The following PHACTR3 variants were observed in gnomAD, a reference collection of about 807,000 sequenced individuals.
The protein encoded by PHACTR3 is phosphatase and actin regulator 3.
A neutral mutation model predicts 66.8 loss-of-function variants in PHACTR3; 16 were observed. The observed-to-expected ratio is 0.24, with a 90% confidence interval of 0.16 to 0.36. PHACTR3 has a LOEUF of 0.36. PHACTR3 is among the 10% of genes least tolerant of loss of function. The probability of loss-of-function intolerance (pLI) is 1.00; values close to 1 mark genes in which losing one functional copy is unlikely to be tolerated. For synonymous variants in PHACTR3, 323 were observed against 292.1 expected, an observed-to-expected ratio of 1.11 and a Z score of -1.08; for missense variants, 647 against 719.9, an observed-to-expected ratio of 0.90 and a Z score of 1.16.
chr20:59,581,108 G>A (rs867313690), intron 1 of PHACTR3, among the ~76,000 whole-genome samples: 4 of 150,998 alleles, frequency 2.6e-5, no homozygotes, highest in South Asian at 2.1e-4. Context: ...CAGGAGGATC[G>A]CAGAAGGACA....
intron 2 of PHACTR3, 115 bp from the exon 3 acceptor site, chr20:59,747,642 GC>G (rs1441359503): frequency 3.3e-6 from 4 of 1,195,170 alleles, no homozygotes; most frequent in Non-Finnish European, 3.6e-6. Context: ...ACCCCGAGGC[GC>G]CTGCTAGCTC....
intron 1 of PHACTR3, among the ~76,000 whole-genome samples, chr20:59,629,913 G>T (rs922369792): frequency 6.6e-6 from 1 of 152,204 alleles, no homozygotes; most frequent in African/African-American, 2.4e-5. Context: ...ACCCGTGGGT[G>T]TGGCTGTAGA....
At chr20:59,744,838 T>A (rs975259268) in intron 2 of PHACTR3, among the ~76,000 whole-genome samples, 11 of 151,086 alleles carry the variant, frequency 7.3e-5, no homozygotes, top group African/African-American at 2.7e-4. Context: ...GAGTAGGGAG[T>A]CGAGTGACAA....
intron 1 of PHACTR3, among the ~76,000 whole-genome samples, chr20:59,632,347 C>A (rs57764332): frequency 5.9e-5 from 9 of 152,292 alleles, no homozygotes; most frequent in African/African-American, 2.2e-4. Flanking sequence ...GTCTCTGCCC[C>A]TGGTAATTGG....
chr20:59,723,791 G>A (rs756011407), intron 1 of PHACTR3, among the ~76,000 whole-genome samples: 1 of 151,910 alleles, frequency 6.6e-6, no homozygotes, highest in Non-Finnish European at 1.5e-5. Context: ...CGGTCTCTGG[G>A]GTGTGGTCAG....
intron 1 of PHACTR3, among the ~76,000 whole-genome samples, chr20:59,583,725 G>A (rs892786684): frequency 2.0e-5 from 3 of 152,248 alleles, no homozygotes; most frequent in Admixed American, 6.5e-5. Flanking sequence ...AGCCTGGGCC[G>A]GGGCTGGCTG....
chr20:59,767,322 C>T lies in PHACTR3; in HGVS notation c.678C>T (p.Gly226=), dbSNP rs2040212121. The change falls in exon 5 of 13, where the codon GGC becomes GGT. Residue 226 remains glycine (G), a synonymous_variant. Coordinates refer to ENST00000371015, the MANE Select transcript of PHACTR3 (RefSeq NM_080672.5). ...CCAGACCTCTGGAGAGATCCGTGGG[C>T]CAGCTCCCCAGCCCCCCACTGCTGC... ...SPPRPLERSV[G]QLPSPPLLPT... 1 of 1,614,176 alleles carries T rather than the reference C, an allele frequency of 6.2e-7. No homozygotes were observed. Among genetic ancestry groups the T allele is most frequent in the Non-Finnish European group, 8.5e-7 (1 of 1,180,026 alleles).
At chr20:59,737,498 GTGTC>G (rs368476076) in intron 1 of PHACTR3, among the ~76,000 whole-genome samples, 13 of 150,044 alleles carry the variant, frequency 8.7e-5, no homozygotes, top group African/African-American at 1.9e-4. Flanking sequence ...GCGTGTGTGT[GTGTC>G]TGTGTGCGTG....
intron 8 of PHACTR3, among the ~76,000 whole-genome samples, chr20:59,835,003 G>A (rs76009449): frequency 0.06 from 9,072 of 152,272 alleles, 802 homozygotes; most frequent in African/African-American, 0.19. Flanking sequence ...CTTCAAAGCT[G>A]TCCTGAGCTG....
intron 1 of PHACTR3, among the ~76,000 whole-genome samples, chr20:59,727,181 G>A (rs1486627186): frequency 1.3e-5 from 2 of 152,112 alleles, no homozygotes; most frequent in Non-Finnish European, 2.9e-5. Flanking sequence ...ATCATACGCT[G>A]TACGGACGCT....
intron 4 of PHACTR3, among the ~76,000 whole-genome samples, chr20:59,761,746 G>C (rs1032352617): frequency 2.6e-5 from 4 of 152,204 alleles, no homozygotes; most frequent in African/African-American, 4.8e-5. Context: ...TCAGCAAAGA[G>C]GTACCAGTAA....
chr20:59,583,277 T>G (rs2032913911), intron 1 of PHACTR3, among the ~76,000 whole-genome samples: 1 of 152,162 alleles, frequency 6.6e-6, no homozygotes, highest in African/African-American at 2.4e-5. Flanking sequence ...TTCCTAGCCC[T>G]GAGGGAGCAG....
At chr20:59,638,980 G>T (rs1010608856) in intron 1 of PHACTR3, among the ~76,000 whole-genome samples, 2 of 147,938 alleles carry the variant, frequency 1.4e-5, no homozygotes, top group Non-Finnish European at 3.0e-5. Context: ...GATGGATGAC[G>T]GCTAGGTAGA....
chr20:59,799,847 T>C (rs6100596), intron 7 of PHACTR3, among the ~76,000 whole-genome samples: 14,390 of 152,196 alleles, frequency 0.095, 1,655 homozygotes, highest in African/African-American at 0.27. Flanking sequence ...ATTTATTTTC[T>C]ATTTGTTCCA....
At chr20:59,723,216 G>C (rs2038414464) in intron 1 of PHACTR3, among the ~76,000 whole-genome samples, 1 of 151,816 alleles carries the variant, frequency 6.6e-6, no homozygotes, top group South Asian at 2.1e-4. Flanking sequence ...TTGTGCAACT[G>C]CACCACAGTC....
chr20:59,815,169 A>G (rs1261083185), intron 8 of PHACTR3, among the ~76,000 whole-genome samples: 1 of 152,162 alleles, frequency 6.6e-6, no homozygotes, highest in African/African-American at 2.4e-5. Context: ...TGTGGTGTAC[A>G]CATGAGGAGG....
At chr20:59,793,618 T>G (rs569246878) in intron 7 of PHACTR3, among the ~76,000 whole-genome samples, 1 of 152,346 alleles carries the variant, frequency 6.6e-6, no homozygotes, top group African/African-American at 2.4e-5. Context: ...GATTTTTGTA[T>G]GTTGATTTTT....
At position 59,845,283 on chromosome 20, in the gene PHACTR3, G is replaced by C. The variant is rs1337587895; in HGVS notation, c.1664+18G>C. 6.6e-7 allele frequency: 1 copy of C among 1,517,828 alleles called. No individual in the cohort carries two copies. 94.0% of individuals were successfully genotyped at this position (1,517,828 alleles called of 1,614,324 possible). On this transcript the variant is annotated intron_variant, in intron 12 of 12. Transcript: ENST00000371015. ...TTGACAAGGTCAGATTTGTTTCTGT[G>C]AATTTCATGGTACTTATTTTTGAAA...
At chr20:59,664,765 C>G (rs1332449917) in intron 1 of PHACTR3, among the ~76,000 whole-genome samples, 2 of 152,234 alleles carry the variant, frequency 1.3e-5, no homozygotes, top group African/African-American at 4.8e-5. Context: ...CACCTCCACC[C>G]CTCACTGGAG....
Sources: gnomAD v4.1 joint callset for allele counts (sites outside exome capture counted in the v4.1 genomes callset) on GRCh38, gnomAD v4.1.1 for gene constraint, MANE v1.5 for transcripts, NCBI Gene and HGNC (gene_info 2026-07-23, HGNC 2026-07-21) for gene names.